The following OSBPL9 variants were observed in gnomAD, a reference collection of about 807,000 sequenced individuals.
OSBPL9 encodes oxysterol-binding protein-related protein 9.
OSBPL9 carries 40 observed loss-of-function variants against 106.6 expected under a neutral mutation model. The ratio of observed to expected loss-of-function variants is 0.38; its 90% CI spans 0.29 to 0.49. The LOEUF is 0.49. Ranked by LOEUF, OSBPL9 falls within the 20% of genes least tolerant of loss-of-function variation. The pLI is 0.97. For synonymous variants in OSBPL9, 269 were observed against 295.4 expected, an observed-to-expected ratio of 0.91 and a Z score of 0.92; for missense variants, 609 against 887.2, an observed-to-expected ratio of 0.69 and a Z score of 3.98.
Position 51,657,110 on chromosome 1 carries a change from AC to A in OSBPL9, c.162+5070del, listed in dbSNP as rs1469830330. 2.6e-5 allele frequency among the ~76,000 whole-genome samples: 4 copies of A among 152,342 alleles called. No individual in the cohort carries two copies. In the South Asian group the frequency reaches 8.3e-4, roughly 32 times the overall value. ...CACAGTTGCCTGGCACATAATAAAT[AC>A]TCAAAAATGCTTATTGTTAATTTTA... On this transcript the variant is annotated intron_variant, in intron 2 of 23. Coordinates refer to ENST00000428468, the MANE Select transcript of OSBPL9 (RefSeq NM_024586.6).
At chr1:51,634,896 C>T (rs1163100620) in intron 1 of OSBPL9, among the ~76,000 whole-genome samples, 2 of 152,134 alleles carry the variant, frequency 1.3e-5, no homozygotes, top group African/African-American at 2.4e-5. Flanking sequence ...AGAGGGAAAC[C>T]GCTGAAAACC....
the OSBPL9 span, among the ~76,000 whole-genome samples, chr1:51,571,594 G>A: frequency 2.0e-5 from 3 of 152,140 alleles, no homozygotes; most frequent in Non-Finnish European, 4.4e-5. Context: ...TTGGGCCCAG[G>A]AGTTTGAGGC....
chr1:51,616,990 G>A, upstream of OSBPL9: 2 of 1,492,282 alleles, frequency 1.3e-6, no homozygotes, highest in Non-Finnish European at 8.9e-7. Context: ...TGGAGCATCT[G>A]CCGGCACCGC....
chr1:51,711,038 T>C (rs955208015), intron 3 of OSBPL9, among the ~76,000 whole-genome samples: 2 of 152,160 alleles, frequency 1.3e-5, no homozygotes, highest in Non-Finnish European at 1.5e-5. Context: ...TTTTCTTTTT[T>C]TTTTTTTCCC....
intron 4 of OSBPL9, among the ~76,000 whole-genome samples, chr1:51,738,084 A>C (rs1666103418): frequency 1.3e-5 from 2 of 152,052 alleles, no homozygotes. Flanking sequence ...TTGTTGAATA[A>C]ATTGGGAGTG....
At chr1:51,642,484 C>T (rs1645863984) in intron 1 of OSBPL9, among the ~76,000 whole-genome samples, 1 of 152,144 alleles carries the variant, frequency 6.6e-6, no homozygotes, top group Non-Finnish European at 1.5e-5. Context: ...TTGCCCTAGT[C>T]CTTACCCCTA....
intron 8 of OSBPL9, chr1:51,752,438 G>T (rs1008896139): frequency 1.8e-5 from 8 of 433,344 alleles, no homozygotes; most frequent in South Asian, 8.1e-5. Context: ...TCGTGGCCTC[G>T]TATCACTAGT....
At chr1:51,768,286 A>G (rs1439679198) in intron 12 of OSBPL9, among the ~76,000 whole-genome samples, 7 of 149,114 alleles carry the variant, frequency 4.7e-5, no homozygotes, top group South Asian at 4.2e-4. Flanking sequence ...CTGGAGTGCA[A>G]TGGTGCAATC....
intron 14 of OSBPL9, among the ~76,000 whole-genome samples, chr1:51,773,212 G>C (rs897598552): frequency 1.3e-5 from 2 of 152,034 alleles, no homozygotes; most frequent in Admixed American, 1.3e-4. Context: ...CAGCCTCCTT[G>C]GTAGCTGGGA....
rs1395327274 is a variant in OSBPL9 at position 51,784,154 on chromosome 1, A to G, written c.1625-110A>G. On this transcript the variant is annotated intron_variant, in intron 18 of 23. Transcript: ENST00000428468. ...GAGAGCAAAGGGTGGGGAACTAGAT[A>G]GGTTATCCCTAAATTGAATGGAGTA... 7 of 1,399,708 alleles carry G rather than the reference A, an allele frequency of 5.0e-6. No homozygotes were observed. The Admixed American group carries it at 1.0e-4, about 20-fold the overall frequency. The allele number at this position is 1,399,708 out of a possible 1,614,324, so 86.7% of individuals were successfully genotyped here.
chr1:51,633,220 A>G (rs1211909169), intron 1 of OSBPL9, among the ~76,000 whole-genome samples: 1 of 151,424 alleles, frequency 6.6e-6, no homozygotes, highest in Non-Finnish European at 1.5e-5. Flanking sequence ...TGGCCTCCCA[A>G]AGTGCTGGGA....
chr1:51,708,092 T>TG (rs1020855891), intron 3 of OSBPL9: 3 of 222,084 alleles, frequency 1.4e-5, no homozygotes, highest in African/African-American at 4.6e-5. Context: ...GAAGCCCTGG[T>TG]GACCAGGTGC....
chr1:51,710,493 C>T (rs537614315), intron 3 of OSBPL9, among the ~76,000 whole-genome samples: 1 of 152,320 alleles, frequency 6.6e-6, no homozygotes, highest in East Asian at 1.9e-4. Flanking sequence ...TGTGCAGCTC[C>T]TACCACCTTC....
At chr1:51,520,506 G>A in the OSBPL9 span, among the ~76,000 whole-genome samples, 2 of 152,194 alleles carry the variant, frequency 1.3e-5, no homozygotes, top group Non-Finnish European at 1.5e-5. Flanking sequence ...AAATCCTTGA[G>A]GACAAGGGGC....
chr1:51,578,426 T>C (rs912112138), intron 1 of OSBPL9, among the ~76,000 whole-genome samples: 2 of 152,220 alleles, frequency 1.3e-5, no homozygotes, highest in Non-Finnish European at 2.9e-5. Flanking sequence ...AGGAGAATAA[T>C]ATCATATGAT....
At chr1:51,772,230 T>C (rs1571694857) in intron 13 of OSBPL9, 48 bp downstream of exon 13, 3 of 1,454,744 alleles carry the variant, frequency 2.1e-6, no homozygotes, top group Non-Finnish European at 2.8e-6. Context: ...AAAATATTTG[T>C]GGCCAGATGT....
At chr1:51,571,976 G>A in the OSBPL9 span, among the ~76,000 whole-genome samples, 1 of 152,156 alleles carries the variant, frequency 6.6e-6, no homozygotes, top group Non-Finnish European at 1.5e-5. Context: ...GAGAGGAGAT[G>A]AGTGGCTGAG....
chr1:51,741,871 A>G (rs1666996346), intron 4 of OSBPL9, among the ~76,000 whole-genome samples: 1 of 152,168 alleles, frequency 6.6e-6, no homozygotes, highest in African/African-American at 2.4e-5. Flanking sequence ...GGCTCACATC[A>G]GTGTAATAAA....
chr1:51,682,900 G>C (rs1652895963), intron 3 of OSBPL9, among the ~76,000 whole-genome samples: 1 of 149,032 alleles, frequency 6.7e-6, no homozygotes, highest in African/African-American at 2.5e-5. Context: ...TTTTGAGACA[G>C]AGTCTTGCTC....
Sources: allele counts gnomAD v4.1 joint callset (sites outside exome capture counted in the v4.1 genomes callset), GRCh38; gene constraint gnomAD v4.1.1; transcripts MANE v1.5; gene names NCBI Gene and HGNC (gene_info 2026-07-23, HGNC 2026-07-21).